DPP6: variants seen among roughly 807,000 people sequenced by gnomAD.
The protein encoded by DPP6 is dipeptidyl peptidase like 6.
Under a neutral mutation model 122.6 loss-of-function variants are expected in DPP6, and 69 were observed. The observed-to-expected ratio is 0.56, with a 90% CI of 0.46 to 0.69. The LOEUF (loss-of-function observed/expected upper bound fraction) is 0.69. DPP6 is among the 30% of genes least tolerant of loss of function. The pLI is 0.00. For missense variants in DPP6, 928 were observed against 1,116.9 expected, an observed-to-expected ratio of 0.83 and a Z score of 2.41; for synonymous variants, 418 against 433.1, an observed-to-expected ratio of 0.97 and a Z score of 0.43.
chr7:154,626,111 G>A (rs1311969940), intron 5 of DPP6, among the ~76,000 whole-genome samples: 4 of 152,102 alleles, frequency 2.6e-5, no homozygotes, highest in African/African-American at 9.7e-5. Context: ...GTGCATCCTG[G>A]AAAATTAGTT....
Position 154,637,947 on chromosome 7 carries a change from T to C in DPP6, c.680+74T>C, listed in dbSNP as rs6972501. On this transcript the variant is annotated intron_variant, in intron 6 of 25. Coordinates refer to ENST00000377770, the MANE Select transcript of DPP6 (RefSeq NM_130797.4). ...TGAAGGGTAGAACATGGACGAGCTG[T>C]TTAACCCTTAGGGCGGGAAATGGCG... 1,070,538 of 1,488,166 alleles carry C rather than the reference T, an allele frequency of 0.72. 386,932 individuals carry two copies. Among genetic ancestry groups the C allele is most frequent in the East Asian group, 0.92 (36,877 of 40,138 alleles). 92.2% of individuals were successfully genotyped at this position (1,488,166 alleles called of 1,614,324 possible). A position where few individuals can be genotyped will look rare whatever the true frequency, so the allele number is the denominator to read the frequency against.
At chr7:154,785,053 G>T (rs2150410224) in intron 10 of DPP6, among the ~76,000 whole-genome samples, 1 of 152,326 alleles carries the variant, frequency 6.6e-6, no homozygotes, top group Admixed American at 6.5e-5. Flanking sequence ...CCGTGTACCA[G>T]TGAGAGCTAG....
chr7:154,581,456 T>A (rs1832065100), intron 5 of DPP6, among the ~76,000 whole-genome samples: 1 of 152,144 alleles, frequency 6.6e-6, no homozygotes, highest in South Asian at 2.1e-4. Context: ...CAACTGTGAC[T>A]GCCCTGGCAC....
At chr7:153,872,429 T>G in the DPP6 span, among the ~76,000 whole-genome samples, 3 of 152,230 alleles carry the variant, frequency 2.0e-5, no homozygotes, top group African/African-American at 7.2e-5. Flanking sequence ...ATTTAAATAC[T>G]GTTAAATTAT....
intron 5 of DPP6, among the ~76,000 whole-genome samples, chr7:154,568,863 A>G (rs896193019): frequency 6.6e-6 from 1 of 152,244 alleles, no homozygotes. Flanking sequence ...TAAAAAGTCT[A>G]TAGAAACAGA....
chr7:153,777,181 G>T, the DPP6 span, among the ~76,000 whole-genome samples: 6 of 152,152 alleles, frequency 3.9e-5, no homozygotes, highest in Non-Finnish European at 7.4e-5. Context: ...CAACCACAAT[G>T]AAATACCACT....
At chr7:154,170,829 T>A (rs1324347360) in intron 1 of DPP6, among the ~76,000 whole-genome samples, 3 of 152,214 alleles carry the variant, frequency 2.0e-5, no homozygotes, top group Non-Finnish European at 4.4e-5. Flanking sequence ...GTTGATATTT[T>A]TTTCCCAAAG....
In DPP6 at chr7:154,294,156, C is replaced by T. The variant is rs142925692; in HGVS notation, c.244-152058C>T. 3.1e-3 allele frequency among the ~76,000 whole-genome samples: 475 copies of T among 152,280 alleles called. 1 individual carries two copies. The highest frequency in any genetic ancestry group is 0.01 in the African/African-American group (427 of 41,548). ...CCTTTATCTTACCTGGTCCCTGCCACGGAGAAACTCACAGGCAGGGCCGGG... is the reference window on the plus strand; with the variant it reads ...CCTTTATCTTACCTGGTCCCTGCCATGGAGAAACTCACAGGCAGGGCCGGG... On this transcript the variant is annotated intron_variant, in intron 1 of 25. Coordinates refer to ENST00000377770, the MANE Select transcript of DPP6 (RefSeq NM_130797.4).
chr7:154,233,986 T>TG (rs1801057043), intron 1 of DPP6, among the ~76,000 whole-genome samples: 1 of 152,148 alleles, frequency 6.6e-6, no homozygotes, highest in Non-Finnish European at 1.5e-5. Context: ...TAATTGAGTG[T>TG]GGGGTTGGTC....
At chr7:153,939,185 CTG>C (rs1395409566) in intron 1 of DPP6, among the ~76,000 whole-genome samples, 1 of 152,130 alleles carries the variant, frequency 6.6e-6, no homozygotes, top group Non-Finnish European at 1.5e-5. Context: ...AGCGATAGTA[CTG>C]TTAGTCCCAT....
At chr7:154,776,968 G>T (rs1036712376) in intron 10 of DPP6, among the ~76,000 whole-genome samples, 1 of 152,242 alleles carries the variant, frequency 6.6e-6, no homozygotes, top group African/African-American at 2.4e-5. Context: ...AGCAGTTCAT[G>T]TATCTGCTAT....
At chr7:154,096,924 TATG>T in intron 1 of DPP6, among the ~76,000 whole-genome samples, 1 of 152,176 alleles carries the variant, frequency 6.6e-6, no homozygotes, top group East Asian at 1.9e-4. Context: ...TAGTTATGGT[TATG>T]TAGCAAGGCT....
At chr7:153,798,075 C>T in the DPP6 span, among the ~76,000 whole-genome samples, 3 of 152,072 alleles carry the variant, frequency 2.0e-5, no homozygotes, top group East Asian at 1.9e-4. Context: ...ATCTCCTGAC[C>T]TCCTGATCCG....
the DPP6 span, among the ~76,000 whole-genome samples, chr7:153,767,273 G>A: frequency 1.5e-4 from 23 of 152,144 alleles, no homozygotes; most frequent in Non-Finnish European, 2.4e-4. Context: ...GAGACAAATT[G>A]TGTAAAATGC....
chr7:154,411,238 A>G lies in DPP6; in HGVS notation c.244-34976A>G, dbSNP rs1311285462. 2.6e-5 allele frequency among the ~76,000 whole-genome samples: 4 copies of G among 152,172 alleles called. No individual in the cohort carries two copies. The East Asian group carries it at 7.7e-4, about 29-fold the overall frequency. On this transcript the variant is annotated intron_variant, in intron 1 of 25. Coordinates refer to ENST00000377770, the MANE Select transcript of DPP6 (RefSeq NM_130797.4). ...GCATTCATCCTCCTCTTCAATTGTTAAAAATTATAGTCAATTTTCTAAATT... is the reference window on the plus strand; with the variant it reads ...GCATTCATCCTCCTCTTCAATTGTTGAAAATTATAGTCAATTTTCTAAATT...
chr7:154,661,677 C>T (rs1411929468), intron 6 of DPP6, among the ~76,000 whole-genome samples: 4 of 149,006 alleles, frequency 2.7e-5, no homozygotes, highest in Non-Finnish European at 5.9e-5. Flanking sequence ...GGCATATTGG[C>T]GCTAGTATTC....
intron 1 of DPP6, among the ~76,000 whole-genome samples, chr7:153,978,419 T>G (rs1208573242): frequency 6.6e-6 from 1 of 152,232 alleles, no homozygotes; most frequent in Non-Finnish European, 1.5e-5. Flanking sequence ...CTTGTAAATT[T>G]GTTTAGGTTC....
intron 1 of DPP6, among the ~76,000 whole-genome samples, chr7:154,384,155 G>T (rs929868516): frequency 6.6e-6 from 1 of 152,120 alleles, no homozygotes; most frequent in Non-Finnish European, 1.5e-5. Flanking sequence ...AAGAGCGTTG[G>T]TGCACACTGG....
At chr7:153,995,823 A>G (rs1228356452) in intron 1 of DPP6, among the ~76,000 whole-genome samples, 1 of 152,186 alleles carries the variant, frequency 6.6e-6, no homozygotes, top group Non-Finnish European at 1.5e-5. Flanking sequence ...AGTCCTACCT[A>G]CCTTCAAGAC....
Sources: gnomAD v4.1 joint callset for allele counts (sites outside exome capture counted in the v4.1 genomes callset) on GRCh38, gnomAD v4.1.1 for gene constraint, MANE v1.5 for transcripts, NCBI Gene and HGNC (gene_info 2026-07-23, HGNC 2026-07-21) for gene names.